MAP2K6: variants seen among roughly 807,000 people sequenced by gnomAD.
MAP2K6 encodes mitogen-activated protein kinase kinase 6.
In MAP2K6, 16 loss-of-function variants were observed where a neutral mutation model predicts 53.7. That is an observed-to-expected ratio of 0.30 (90% CI 0.20 to 0.45). The LOEUF (loss-of-function observed/expected upper bound fraction) is 0.45. MAP2K6 is among the 20% of genes least tolerant of loss of function. MAP2K6 has a pLI of 1.00. For synonymous variants in MAP2K6, 132 were observed against 143.1 expected, an observed-to-expected ratio of 0.92 and a Z score of 0.55; for missense variants, 204 against 411.9, an observed-to-expected ratio of 0.50 and a Z score of 4.37.
intron 1 of MAP2K6, among the ~76,000 whole-genome samples, chr17:69,465,195 C>T (rs1021390612): frequency 6.6e-6 from 1 of 150,464 alleles, no homozygotes; most frequent in African/African-American, 2.5e-5. Context: ...GGACCATATC[C>T]AGGCAAGAAT....
intron 1 of MAP2K6, among the ~76,000 whole-genome samples, chr17:69,496,037 A>G (rs971063317): frequency 6.6e-6 from 1 of 151,376 alleles, no homozygotes; most frequent in Non-Finnish European, 1.5e-5. Flanking sequence ...AGAACATCTT[A>G]GTCAACACCA....
At chr17:69,416,780 A>G (rs924994381) in intron 1 of MAP2K6, among the ~76,000 whole-genome samples, 8 of 152,274 alleles carry the variant, frequency 5.3e-5, no homozygotes, top group African/African-American at 1.9e-4. Context: ...TTAAAAATGG[A>G]AGTGATTTAT....
chr17:69,415,241 C>T (rs1182905530), intron 1 of MAP2K6, among the ~76,000 whole-genome samples: 1 of 152,084 alleles, frequency 6.6e-6, no homozygotes, highest in Admixed American at 6.6e-5. Flanking sequence ...TTACTGAGCT[C>T]TTTTTGCCTT....
intron 1 of MAP2K6, among the ~76,000 whole-genome samples, chr17:69,446,508 A>C (rs1411732499): frequency 3.3e-5 from 5 of 152,352 alleles, no homozygotes; most frequent in Middle Eastern, 3.4e-3. Flanking sequence ...ACTGTATTCC[A>C]GAGCTCTCAT....
intron 1 of MAP2K6, among the ~76,000 whole-genome samples, chr17:69,476,476 G>C (rs183894269): frequency 1.3e-5 from 2 of 152,222 alleles, no homozygotes; most frequent in Non-Finnish European, 2.9e-5. Context: ...TGTGAATGAG[G>C]TGGTATATGA....
intron 1 of MAP2K6, among the ~76,000 whole-genome samples, chr17:69,491,123 C>CCTTCCTTCCTTT (rs565116558): frequency 1.2e-4 from 17 of 146,732 alleles, no homozygotes; most frequent in African/African-American, 4.0e-4. Flanking sequence ...TTCCTTCCTT[C>CCTTCCTTCCTTT]CTTCCTTCCT....
intron 1 of MAP2K6, among the ~76,000 whole-genome samples, chr17:69,475,984 C>T (rs1434076753): frequency 6.6e-6 from 1 of 152,058 alleles, no homozygotes; most frequent in African/African-American, 2.4e-5. Context: ...GAAGCAATCT[C>T]GAAACCCTTT....
At chr17:69,516,686 T>C (rs1014232757) in intron 2 of MAP2K6, among the ~76,000 whole-genome samples, 169 bp from the exon 3 acceptor site, 2 of 152,222 alleles carry the variant, frequency 1.3e-5, no homozygotes, top group Non-Finnish European at 2.9e-5. Context: ...TAAACCCAAA[T>C]GTGATTTATT....
At position 69,414,940 on chromosome 17, in the gene MAP2K6, G is replaced by A. The variant is rs1905851830; in HGVS notation, c.-45G>A. The stretch of plus-strand genomic sequence containing the variant: ...AAACTAGCTACAGAAGAGAAGCAAG[G>A]CAAAGTCTTTTGTGCTCCCCTCCCC... On this transcript the variant is annotated 5_prime_UTR_variant, in exon 1 of 12. Coordinates refer to ENST00000590474, the MANE Select transcript of MAP2K6 (RefSeq NM_002758.4). 6.6e-7 allele frequency: 1 copy of A among 1,525,304 alleles called. No homozygotes were observed. The highest frequency in any genetic ancestry group is 2.3e-5 in the East Asian group (1 of 44,410). The allele number at this position is 1,525,304 out of a possible 1,614,324, so 94.5% of individuals were successfully genotyped here. A position where few individuals can be genotyped will look rare whatever the true frequency, so the allele number is the denominator to read the frequency against.
Position 69,504,842 on chromosome 17 carries a change from C to T in MAP2K6, c.17-938C>T, listed in dbSNP as rs115014159. ...CCAAGAAGAAGTTATAACTTCCTTG[C>T]ATAAGCTCATCTGTTATCTTAATCC... On this transcript the variant is annotated intron_variant, in intron 1 of 11. Coordinates refer to ENST00000590474, the MANE Select transcript of MAP2K6 (RefSeq NM_002758.4). Among the ~76,000 whole-genome samples, 535 of 152,308 alleles carry T rather than the reference C, an allele frequency of 3.5e-3. 2 individuals are homozygous for T. Among genetic ancestry groups the T allele is most frequent in the African/African-American group, 0.011 (476 of 41,560 alleles).
chr17:69,433,491 C>T (rs757520906), intron 1 of MAP2K6: 6 of 152,220 alleles, frequency 3.9e-5, no homozygotes, highest in African/African-American at 9.7e-5. Context: ...TTTATTCAGT[C>T]GGTCATCTGC....
At chr17:69,520,199 G>GT (rs370731454) in intron 5 of MAP2K6, 71 bp from the exon 6 acceptor site, 66,498 of 550,758 alleles carry the variant, frequency 0.12, 63 homozygotes, top group South Asian at 0.15. Flanking sequence ...AGGGTTTACT[G>GT]TTTTTTTTTT....
At chr17:69,490,227 G>C (rs1051297755) in intron 1 of MAP2K6, among the ~76,000 whole-genome samples, 1 of 152,166 alleles carries the variant, frequency 6.6e-6, no homozygotes, top group Non-Finnish European at 1.5e-5. Flanking sequence ...CCTGGAAGGG[G>C]GTCAGCCTCT....
intron 1 of MAP2K6, among the ~76,000 whole-genome samples, chr17:69,461,137 G>C (rs1476834309): frequency 1.3e-5 from 2 of 152,210 alleles, no homozygotes; most frequent in Non-Finnish European, 2.9e-5. Flanking sequence ...AAAGATGTGA[G>C]TGGTATTCCC....
intron 10 of MAP2K6, among the ~76,000 whole-genome samples, chr17:69,534,985 T>C (rs1911283756): frequency 1.3e-5 from 2 of 151,930 alleles, no homozygotes. Context: ...TTTCTTTTTT[T>C]TTTTTCATTT....
At chr17:69,512,349 T>G (rs889629712) in intron 2 of MAP2K6, among the ~76,000 whole-genome samples, 5 of 124,718 alleles carry the variant, frequency 4.0e-5, no homozygotes, top group Non-Finnish European at 8.6e-5. Context: ...GTTTTTTTTT[T>G]TTTTTTTTGA....
intron 1 of MAP2K6, among the ~76,000 whole-genome samples, chr17:69,480,771 GA>G (rs1020589658): frequency 2.7e-4 from 40 of 150,660 alleles, no homozygotes; most frequent in African/African-American, 8.8e-4. Flanking sequence ...GGAGGTAATA[GA>G]AAAAAAAAGT....
In MAP2K6 at chr17:69,524,830, C is replaced by T. The variant is rs1910679924; in HGVS notation, c.664-71C>T. 2.5e-6 allele frequency: 3 copies of T among 1,187,564 alleles called. No homozygotes were observed. The East Asian group carries it at 7.1e-5, about 28-fold the overall frequency. 73.6% of individuals were successfully genotyped at this position (1,187,564 alleles called of 1,614,324 possible). On this transcript the variant is annotated intron_variant, in intron 8 of 11. Transcript: ENST00000590474. Reference sequence around the variant, plus strand: ...TGGCAGCTGGTGCTACCCCCATCCCCAGAGACTATTGAGCTAAGAACGTTA... The same window carrying T: ...TGGCAGCTGGTGCTACCCCCATCCCTAGAGACTATTGAGCTAAGAACGTTA...
At chr17:69,430,768 G>C (rs1906437016) in intron 1 of MAP2K6, among the ~76,000 whole-genome samples, 2 of 152,188 alleles carry the variant, frequency 1.3e-5, no homozygotes, top group South Asian at 4.1e-4. Context: ...CCAGCTACTG[G>C]TTTTCTCTGT....
Sources: allele counts gnomAD v4.1 joint callset (sites outside exome capture counted in the v4.1 genomes callset), GRCh38; gene constraint gnomAD v4.1.1; transcripts MANE v1.5; gene names NCBI Gene and HGNC (gene_info 2026-07-23, HGNC 2026-07-21).